Variants in SDK1 observed in about 807,000 individuals in gnomAD.
SDK1 encodes the protein protein sidekick-1.
SDK1 carries 157 observed loss-of-function variants against 245.5 expected under a neutral mutation model. The ratio of observed to expected loss-of-function variants is 0.64; its 90% CI spans 0.56 to 0.73. The LOEUF (loss-of-function observed/expected upper bound fraction) is 0.73, where lower values mean the gene tolerates loss of function less well. Among genes scored for constraint, SDK1 ranks in the 30% least tolerant of loss-of-function variants. The pLI, the probability that SDK1 is intolerant of heterozygous loss-of-function variation, is 0.00. For missense variants in SDK1, 3,583 were observed against 3,002.3 expected (o/e 1.19, Z -4.52); for synonymous variants, 1,647 against 1,278.5 (o/e 1.29, Z -6.15).
chr7:3,559,537 C>T (rs1562562864), intron 1 of SDK1, among the ~76,000 whole-genome samples: 1 of 152,058 alleles, frequency 6.6e-6, no homozygotes, highest in Non-Finnish European at 1.5e-5. Flanking sequence ...ATGTAGTAAT[C>T]AGCTTCCTCA....
At position 3,443,261 on chromosome 7, in the gene SDK1, CTA is replaced by C. The variant is rs1235614696; in HGVS notation, c.298+141379_298+141380del. ...AGTTTATTTTATTTAGCTACAAGAA[CTA>C]TGTCAGCATGAGAGCTAACACTACT... On this transcript the variant is annotated intron_variant, in intron 1 of 44. Transcript: ENST00000404826. Among the ~76,000 whole-genome samples the C allele has an allele frequency of 1.6e-4, 24 of 152,250 alleles. No homozygotes were observed. In the South Asian group the frequency reaches 5.0e-3, roughly 32 times the overall value.
At chr7:4,069,560 G>A (rs1780116431) in intron 20 of SDK1, among the ~76,000 whole-genome samples, 1 of 152,182 alleles carries the variant, frequency 6.6e-6, no homozygotes, top group Admixed American at 6.5e-5. Context: ...AGCTGCCTGC[G>A]GGAGCCATGG....
chr7:3,514,380 T>A (rs1782672251), intron 1 of SDK1, among the ~76,000 whole-genome samples: 1 of 152,208 alleles, frequency 6.6e-6, no homozygotes, highest in African/African-American at 2.4e-5. Flanking sequence ...CTGTAGATAA[T>A]TTACATATCA....
intron 9 of SDK1, among the ~76,000 whole-genome samples, chr7:3,963,728 G>C (rs930334359): frequency 6.8e-6 from 1 of 146,546 alleles, no homozygotes; most frequent in Admixed American, 6.7e-5. Flanking sequence ...CGTATCCAGT[G>C]AGTACATTCA....
At chr7:3,614,234 A>G (rs1231431910) in intron 1 of SDK1, among the ~76,000 whole-genome samples, 1 of 152,166 alleles carries the variant, frequency 6.6e-6, no homozygotes, top group African/African-American at 2.4e-5. Flanking sequence ...CTCTTTCATA[A>G]ATGATTTATG....
chr7:3,646,670 T>C (rs1461299663), intron 4 of SDK1, among the ~76,000 whole-genome samples: 1 of 152,234 alleles, frequency 6.6e-6, no homozygotes, highest in African/African-American at 2.4e-5. Context: ...TGTTTTTGAT[T>C]ATTTTTTCCA....
chr7:3,431,901 A>C (rs1307088125), intron 1 of SDK1, among the ~76,000 whole-genome samples: 1 of 152,128 alleles, frequency 6.6e-6, no homozygotes, highest in Non-Finnish European at 1.5e-5. Flanking sequence ...GCGGTTTATA[A>C]AAAGATTCTC....
chr7:3,321,810 T>TTCTCCC (rs1402506548), intron 1 of SDK1, among the ~76,000 whole-genome samples: 49 of 126,260 alleles, frequency 3.9e-4, no homozygotes, highest in African/African-American at 1.4e-3. Flanking sequence ...CCTTCCTTCC[T>TTCTCCC]TCCTTCCTTC....
chr7:3,685,765 C>G (rs1434022552), intron 4 of SDK1, among the ~76,000 whole-genome samples: 2 of 151,868 alleles, frequency 1.3e-5, no homozygotes, highest in Non-Finnish European at 2.9e-5. Context: ...GAAAACTATC[C>G]AAAATGAGAT....
At chr7:3,760,202 G>C (rs1192901168) in intron 4 of SDK1, among the ~76,000 whole-genome samples, 2 of 152,138 alleles carry the variant, frequency 1.3e-5, no homozygotes, top group African/African-American at 4.8e-5. Context: ...CCATTTGGGT[G>C]GCTGCATATA....
chr7:4,152,131 G>A (rs1780424190), intron 30 of SDK1, among the ~76,000 whole-genome samples: 1 of 152,234 alleles, frequency 6.6e-6, no homozygotes, highest in Non-Finnish European at 1.5e-5. Context: ...AGCTCTGTGA[G>A]TCCAAGGTTT....
chr7:3,637,018 A>C (rs910590483), intron 2 of SDK1, among the ~76,000 whole-genome samples: 7 of 151,854 alleles, frequency 4.6e-5, no homozygotes, highest in African/African-American at 9.7e-5. Context: ...CCTTATTAAA[A>C]TTAAGTTGTT....
chr7:3,890,751 G>A (rs956695215), intron 5 of SDK1, among the ~76,000 whole-genome samples: 5 of 152,134 alleles, frequency 3.3e-5, no homozygotes, highest in African/African-American at 1.2e-4. Flanking sequence ...AGACGAGCCT[G>A]GGCAACATGG....
intron 1 of SDK1, among the ~76,000 whole-genome samples, chr7:3,537,327 C>A (rs890559376): frequency 6.6e-6 from 1 of 152,194 alleles, no homozygotes; most frequent in Non-Finnish European, 1.5e-5. Context: ...GTCTATGTAA[C>A]TGGCCCTAAG....
At chr7:3,425,190 C>G (rs893409434) in intron 1 of SDK1, among the ~76,000 whole-genome samples, 6 of 151,562 alleles carry the variant, frequency 4.0e-5, no homozygotes, top group African/African-American at 7.3e-5. Context: ...TTTTTCTTCC[C>G]CATAAGCTGC....
At chr7:3,522,406 A>T (rs1292432337) in intron 1 of SDK1, among the ~76,000 whole-genome samples, 2 of 152,202 alleles carry the variant, frequency 1.3e-5, no homozygotes, top group East Asian at 3.8e-4. Flanking sequence ...ATGCCCAATC[A>T]CTGTGGCTAC....
intron 40 of SDK1, among the ~76,000 whole-genome samples, chr7:4,226,715 C>A (rs1029846537): frequency 6.6e-6 from 1 of 152,214 alleles, no homozygotes; most frequent in Admixed American, 6.5e-5. Context: ...TGTTGCAAAA[C>A]TCCCTGGAAG....
intron 32 of SDK1, among the ~76,000 whole-genome samples, chr7:4,170,263 A>G (rs1208205599): frequency 6.6e-6 from 1 of 152,130 alleles, no homozygotes; most frequent in Non-Finnish European, 1.5e-5. Context: ...CCTGGGCAAC[A>G]TGGTGAGACG....
chr7:3,684,174 G>A (rs1386334538), intron 4 of SDK1, among the ~76,000 whole-genome samples: 5 of 152,224 alleles, frequency 3.3e-5, no homozygotes, highest in Non-Finnish European at 7.3e-5. Flanking sequence ...AGCAGGTCTA[G>A]CGTGGAGCTA....
Sources: gnomAD v4.1 joint callset for allele counts (sites outside exome capture counted in the v4.1 genomes callset) on GRCh38, gnomAD v4.1.1 for gene constraint, MANE v1.5 for transcripts, NCBI Gene and HGNC (gene_info 2026-07-23, HGNC 2026-07-21) for gene names.